Variants in ASXL2 observed in about 807,000 individuals in gnomAD.
The protein encoded by ASXL2 is putative Polycomb group protein ASXL2.
A neutral mutation model predicts 122.0 loss-of-function variants in ASXL2; 23 were observed. That is an observed-to-expected ratio of 0.19 (90% CI 0.14 to 0.27). The LOEUF (loss-of-function observed/expected upper bound fraction) is 0.27, where lower values mean the gene tolerates loss of function less well. Ranked by LOEUF, ASXL2 falls within the 10% of genes least tolerant of loss-of-function variation. The pLI, the probability that ASXL2 is intolerant of heterozygous loss-of-function variation, is 1.00. For missense variants in ASXL2, 1,518 were observed against 1,713.8 expected, an observed-to-expected ratio of 0.89 and a Z score of 2.02; for synonymous variants, 650 against 637.0, an observed-to-expected ratio of 1.02 and a Z score of -0.31.
At chr2:25,807,496 T>G (rs983003669) in intron 3 of ASXL2, among the ~76,000 whole-genome samples, 3 of 152,220 alleles carry the variant, frequency 2.0e-5, no homozygotes, top group Non-Finnish European at 4.4e-5. Flanking sequence ...TTGATTTCCA[T>G]AGCTACGTTT....
intron 3 of ASXL2, chr2:25,810,804 G>C: frequency 3.9e-6 from 2 of 507,792 alleles, no homozygotes; most frequent in Non-Finnish European, 7.4e-6. Flanking sequence ...AGCTGAAAAA[G>C]TCCTAAATAA....
rs576241762 is a variant in ASXL2, at chr2:25,734,127, G to A, written c.*7902C>T. ...TTTTTTTTTCTTTCAAATTTCTAGA[G>A]TTTCATTTGTTATGTTCTCTAGATC... On this transcript the variant is annotated 3_prime_UTR_variant, in exon 13 of 13. Coordinates refer to ENST00000435504, the MANE Select transcript of ASXL2 (RefSeq NM_018263.6). 5 of 151,024 alleles carry A rather than the reference G, an allele frequency of 3.3e-5. No individual in the cohort carries two copies. In the South Asian group the frequency reaches 1.0e-3, roughly 32 times the overall value. The allele number at this position is 151,024 out of a possible 1,614,324, so 9.4% of individuals were successfully genotyped here. A position where few individuals can be genotyped will look rare whatever the true frequency, so the allele number is the denominator to read the frequency against.
chr2:25,773,483 G>A (rs1282502384), intron 5 of ASXL2, among the ~76,000 whole-genome samples: 2 of 151,866 alleles, frequency 1.3e-5, no homozygotes, highest in Non-Finnish European at 2.9e-5. Context: ...GGCTAACACG[G>A]TGAAACCCCA....
intron 4 of ASXL2, among the ~76,000 whole-genome samples, chr2:25,800,486 T>C (rs1034373273): frequency 1.1e-4 from 17 of 152,258 alleles, no homozygotes; most frequent in African/African-American, 4.1e-4. Context: ...AGAAATCTTT[T>C]TTTAAATGAA....
intron 2 of ASXL2, among the ~76,000 whole-genome samples, chr2:25,844,900 C>G (rs2089632212): frequency 6.6e-6 from 1 of 152,094 alleles, no homozygotes; most frequent in African/African-American, 2.4e-5. Flanking sequence ...GCCTCCCAAA[C>G]AGCTGCGATC....
intron 8 of ASXL2, 29 bp from the exon 9 acceptor site, chr2:25,759,674 C>A (rs768123236): frequency 1.3e-6 from 2 of 1,591,910 alleles, no homozygotes; most frequent in African/African-American, 1.3e-5. Context: ...ATCGTTTGGG[C>A]CTCCCTCACA....
Position 25,777,771 on chromosome 2 carries a change from A to G in ASXL2, c.404-6231T>C, listed in dbSNP as rs936344383. Among the ~76,000 whole-genome samples, 42 of 151,714 alleles carry G rather than the reference A, an allele frequency of 2.8e-4. 1 individual carries two copies. Among genetic ancestry groups the G allele is most frequent in the Non-Finnish European group, 5.9e-5 (4 of 67,918 alleles). On this transcript the variant is annotated intron_variant, in intron 5 of 12. Transcript: ENST00000435504. ...GTTCATTTTAACAGGAGTTCATTGA[A>G]CTCTCATAATTACTCTCTCTTAGGG...
chr2:25,790,947 G>A (rs1389500763), intron 5 of ASXL2, among the ~76,000 whole-genome samples: 2 of 151,828 alleles, frequency 1.3e-5, no homozygotes, highest in Admixed American at 6.6e-5. Flanking sequence ...GGGACTACGG[G>A]TGTGCACCAC....
At chr2:25,834,078 C>T (rs72801858) in intron 3 of ASXL2, among the ~76,000 whole-genome samples, 2,998 of 152,238 alleles carry the variant, frequency 0.02, 46 homozygotes, top group Non-Finnish European at 0.03. Context: ...AATGACCAGG[C>T]GCAGTGGCTC....
intron 1 of ASXL2, among the ~76,000 whole-genome samples, chr2:25,873,269 T>C (rs1160440513): frequency 6.6e-6 from 1 of 152,126 alleles, no homozygotes; most frequent in Non-Finnish European, 1.5e-5. Flanking sequence ...ATTTGTATTA[T>C]AAAAATTGGC....
Position 25,737,810 on chromosome 2 carries a change from A to G in ASXL2, c.*4219T>C, listed in dbSNP as rs1431662320. Reference sequence around the variant, plus strand: ...AAATTCTTATGTAAAATGATTTTCTATATTTGTGAAAAAATATGACTTTTT... The same window carrying G: ...AAATTCTTATGTAAAATGATTTTCTGTATTTGTGAAAAAATATGACTTTTT... On this transcript the variant is annotated 3_prime_UTR_variant, in exon 13 of 13. Transcript: ENST00000435504. 3 of 152,252 alleles carry G rather than the reference A, an allele frequency of 2.0e-5. No homozygotes were observed. The highest frequency in any genetic ancestry group is 1.9e-4 in the East Asian group (1 of 5,204). 9.4% of individuals were successfully genotyped at this position (152,252 alleles called of 1,614,324 possible). A position where few individuals can be genotyped will look rare whatever the true frequency, so the allele number is the denominator to read the frequency against.
intron 4 of ASXL2, among the ~76,000 whole-genome samples, chr2:25,803,064 G>A (rs1017912764): frequency 2.0e-5 from 3 of 152,150 alleles, no homozygotes; most frequent in Non-Finnish European, 4.4e-5. Context: ...CCCGGGAGGC[G>A]GAGGTTGCAG....
intron 3 of ASXL2, among the ~76,000 whole-genome samples, chr2:25,821,943 C>G (rs1055228950): frequency 2.0e-5 from 3 of 152,096 alleles, no homozygotes; most frequent in African/African-American, 7.2e-5. Context: ...ACAATAATGC[C>G]ACTGACACTC....
intron 9 of ASXL2, among the ~76,000 whole-genome samples, chr2:25,758,783 G>T (rs910893192): frequency 5.3e-5 from 8 of 150,972 alleles, no homozygotes; most frequent in Non-Finnish European, 7.4e-5. Context: ...AATGCAAACT[G>T]CAAACATTCC....
In ASXL2 at chr2:25,744,284, A is replaced by AGGCGGCTGCAGCAGCTGC. The variant is rs1377921313; in HGVS notation, c.2035_2052dup (p.Ala679_Ala684dup). 1 of 1,612,028 alleles carries AGGCGGCTGCAGCAGCTGC rather than the reference A, an allele frequency of 6.2e-7. No homozygotes were observed. Among genetic ancestry groups the AGGCGGCTGCAGCAGCTGC allele is most frequent in the Non-Finnish European group, 8.5e-7 (1 of 1,179,374 alleles). On this transcript the variant is annotated inframe_insertion, in exon 13 of 13. Coordinates refer to ENST00000435504, the MANE Select transcript of ASXL2 (RefSeq NM_018263.6). The surrounding 1 kb of genome is among the most constrained non-coding windows in gnomAD (Gnocchi z 4.7). ...GGTCCTGGAATGGTCCCTCCAACTG[A>AGGCGGCTGCAGCAGCTGC]GGCGGCTGCAGCAGCTGCGGCGGCA...
In ASXL2 at chr2:25,878,369, G is replaced by C; in HGVS notation, c.-147C>G. On this transcript the variant is annotated 5_prime_UTR_variant, in exon 1 of 13. Transcript: ENST00000435504. Reference sequence around the variant, plus strand: ...CCGGGGGGGCACCCAAGCAGAGGAAGCGGCGGGGGTGGTGCGCGGGGGGGT... The same window carrying C: ...CCGGGGGGGCACCCAAGCAGAGGAACCGGCGGGGGTGGTGCGCGGGGGGGT... 1 of 710,582 alleles carries C rather than the reference G, an allele frequency of 1.4e-6. No individual in the cohort carries two copies. The highest frequency in any genetic ancestry group is 2.3e-6 in the Non-Finnish European group (1 of 432,116). 44.0% of individuals were successfully genotyped at this position (710,582 alleles called of 1,614,324 possible). A position where few individuals can be genotyped will look rare whatever the true frequency, so the allele number is the denominator to read the frequency against.
rs1574391062 is a variant in ASXL2, at chr2:25,744,105, T to G, written c.2232A>C (p.Leu744Phe). Residue 744 changes from leucine to phenylalanine, a missense_variant, in exon 13 of 13, where the codon TTA (leucine) becomes TTC (phenylalanine). Leu to Phe is a conservative substitution (Grantham distance 22). Coordinates refer to ENST00000435504, the MANE Select transcript of ASXL2 (RefSeq NM_018263.6). This position sits in a 1 kb window ranked among gnomAD's most constrained non-coding sequence, Gnocchi z 4.7. ...TGSRGGTREL[L>F]PCGPETQPQS... ...GGGGCTGAGTCTCTGGACCACAGGG[T>G]AAAAGCTCTCTCGTACCTCCCCTGC... 6.2e-7 allele frequency: 1 copy of G among 1,613,878 alleles called. No individual in the cohort carries two copies. Among genetic ancestry groups the G allele is most frequent in the Non-Finnish European group, 8.5e-7 (1 of 1,179,856 alleles).
rs1574385121 is a variant in ASXL2, at chr2:25,736,456, T to C, written c.*5573A>G. The C allele has an allele frequency of 6.6e-6, 1 of 152,102 alleles. No homozygotes were observed. The highest frequency in any genetic ancestry group is 1.9e-4 in the East Asian group (1 of 5,194). 9.4% of individuals were successfully genotyped at this position (152,102 alleles called of 1,614,324 possible). A position where few individuals can be genotyped will look rare whatever the true frequency, so the allele number is the denominator to read the frequency against. ...ATTTTACCTTCATTCTTATTATATA[T>C]GGAAATTATGAAGATGCTAATGTCC... On this transcript the variant is annotated 3_prime_UTR_variant, in exon 13 of 13. Transcript: ENST00000435504.
chr2:25,742,541 T>A lies in ASXL2; in HGVS notation c.3796A>T (p.Ile1266Phe). ...FDEKTLARDL[I>F]QAAQKQMAHA... ...GCCATCTGCTTCTGTGCTGCCTGAATTAAATCTCTGGCTAGGGTCTTTTCA... is the reference window on the plus strand; with the variant it reads ...GCCATCTGCTTCTGTGCTGCCTGAAATAAATCTCTGGCTAGGGTCTTTTCA... Residue 1266 changes from isoleucine (I) to phenylalanine (F), a missense_variant, in exon 13 of 13, where the codon ATT becomes TTT. Coordinates refer to ENST00000435504, the MANE Select transcript of ASXL2 (RefSeq NM_018263.6). 1.2e-6 allele frequency: 2 copies of A among 1,614,040 alleles called. No individual in the cohort carries two copies. Among genetic ancestry groups the A allele is most frequent in the Middle Eastern group, 3.3e-4 (2 of 6,062 alleles).
Sources: gnomAD v4.1 joint callset for allele counts (sites outside exome capture counted in the v4.1 genomes callset) on GRCh38, gnomAD v4.1.1 for gene constraint, Gnocchi (gnomAD v3.1) non-coding constraint, MANE v1.5 for transcripts, NCBI Gene and HGNC (gene_info 2026-07-23, HGNC 2026-07-21) for gene names.